Variants in PER3 observed in about 807,000 individuals in gnomAD.
PER3 encodes the protein period circadian protein homolog 3.
In PER3, 107 loss-of-function variants were observed where a neutral mutation model predicts 127.2. The ratio of observed to expected loss-of-function variants is 0.84; its 90% CI spans 0.72 to 0.99. PER3 has a LOEUF of 0.99. Among genes scored for constraint, PER3 ranks in the 50% least tolerant of loss-of-function variants. The pLI, the probability that PER3 is intolerant of heterozygous loss-of-function variation, is 0.00. For missense variants in PER3, 1,560 were observed against 1,525.8 expected (o/e 1.02, Z -0.37); for synonymous variants, 618 against 585.8 (o/e 1.05, Z -0.79).
At chr1:7,842,187 A>C (rs916785626) in intron 21 of PER3, among the ~76,000 whole-genome samples, 4 of 152,126 alleles carry the variant, frequency 2.6e-5, no homozygotes, top group Admixed American at 2.6e-4. Context: ...GTATTTAAAC[A>C]ATTTGTCATT....
intron 5 of PER3, among the ~76,000 whole-genome samples, chr1:7,788,998 G>A (rs548164894): frequency 1.3e-5 from 2 of 151,462 alleles, no homozygotes; most frequent in African/African-American, 4.8e-5. Context: ...TTTTCCTTCT[G>A]GAATGCTTTT....
At chr1:7,821,659 C>G (rs2097277130) in intron 16 of PER3, among the ~76,000 whole-genome samples, 1 of 152,084 alleles carries the variant, frequency 6.6e-6, no homozygotes, top group Non-Finnish European at 1.5e-5. Context: ...CTATACTCTG[C>G]TCTTATATGA....
Position 7,826,565 on chromosome 1 carries a change from G to A in PER3, c.2043G>A (p.Gly681=), listed in dbSNP as rs374589393. 3.7e-6 allele frequency: 6 copies of A among 1,613,514 alleles called. No individual in the cohort carries two copies. The highest frequency in any genetic ancestry group is 1.3e-5 in the African/African-American group (1 of 74,890). ...PLTSEEFKHV[G]LTAAVLSAHT... is the part of the protein sequence containing the mutation. ...CCTCGGAAGAATTTAAACACGTGGGGCTCACAGCGGCTGTTCTGTCAGCGC... is the reference window on the plus strand; with the variant it reads ...CCTCGGAAGAATTTAAACACGTGGGACTCACAGCGGCTGTTCTGTCAGCGC... The change falls in exon 17 of 22, where the codon GGG becomes GGA. Residue 681 remains glycine, a synonymous_variant. Coordinates refer to ENST00000377532, the MANE Select transcript of PER3 (RefSeq NM_001377275.1). This position sits in a 1 kb window ranked among gnomAD's most constrained non-coding sequence, Gnocchi z 4.2.
Position 7,827,141 on chromosome 1 carries a change from C to G in PER3, c.2212C>G (p.Arg738Gly). Residue 738 changes from arginine to glycine, a missense_variant, in exon 18 of 22, where the codon CGG becomes GGG. Around this residue, in one of 3 missense-constraint regions of PER3, gnomAD observed 1,332 missense variants for 1,223.6 expected, o/e 1.09. Coordinates refer to ENST00000377532, the MANE Select transcript of PER3 (RefSeq NM_001377275.1). ...FQGDSTSKQT[R>G]SAGCRKGKHK... ...AGGAGATTCTACTTCCAAGCAGACG[C>G]GGTCGGCCGGCTGCAGGAAAGGGAA... 6.2e-7 allele frequency: 1 copy of G among 1,602,800 alleles called. No individual in the cohort carries two copies.
chr1:7,799,629 A>C (rs1266542915), intron 7 of PER3, among the ~76,000 whole-genome samples: 1 of 151,760 alleles, frequency 6.6e-6, no homozygotes, highest in Non-Finnish European at 1.5e-5. Flanking sequence ...AAAAAAAAAA[A>C]AGATAATCAT....
At chr1:7,790,127 C>T (rs777645665) in intron 5 of PER3, among the ~76,000 whole-genome samples, 1 of 152,204 alleles carries the variant, frequency 6.6e-6, no homozygotes, top group Non-Finnish European at 1.5e-5. Flanking sequence ...GGCTTTTCAG[C>T]CTTTTCATTT....
At chr1:7,820,332 A>G (rs1577859160) in intron 15 of PER3, 93 bp downstream of exon 15, 2 of 1,464,064 alleles carry the variant, frequency 1.4e-6, no homozygotes, top group East Asian at 4.6e-5. Context: ...TAAGCATAAA[A>G]TTCTGGTTTC....
intron 21 of PER3, among the ~76,000 whole-genome samples, chr1:7,841,302 T>TG (rs2097386690): frequency 6.6e-6 from 1 of 151,752 alleles, no homozygotes; most frequent in South Asian, 2.1e-4. Context: ...TTTTTTTTTT[T>TG]GGTTGAAAAC....
intron 5 of PER3, among the ~76,000 whole-genome samples, chr1:7,792,312 G>A (rs1256729923): frequency 6.6e-6 from 1 of 152,086 alleles, no homozygotes; most frequent in East Asian, 1.9e-4. Context: ...TCACTATCAC[G>A]AGAACGGGAT....
chr1:7,788,911 A>G (rs1295971054), intron 5 of PER3, among the ~76,000 whole-genome samples: 1 of 149,534 alleles, frequency 6.7e-6, no homozygotes, highest in East Asian at 2.0e-4. Context: ...TCTGGGGAAA[A>G]AAAAAAAAAA....
At chr1:7,822,729 A>G (rs983331462) in intron 16 of PER3, among the ~76,000 whole-genome samples, 1 of 152,240 alleles carries the variant, frequency 6.6e-6, no homozygotes, top group African/African-American at 2.4e-5. Context: ...AGCTATGTCA[A>G]TAATGACATA....
Position 7,803,721 on chromosome 1 carries a change from G to A in PER3, c.1009G>A (p.Glu337Lys), listed in dbSNP as rs755673447. 1 of 1,607,842 alleles carries A rather than the reference G, an allele frequency of 6.2e-7. No individual in the cohort carries two copies. The highest frequency in any genetic ancestry group is 8.5e-7 in the Non-Finnish European group (1 of 1,174,574). The change falls in exon 10 of 22, where the codon GAA becomes AAA. Residue 337 changes from glutamate to lysine, a missense_variant. Glu to Lys is a moderately conservative substitution (Grantham distance 56). This residue lies in a region of PER3 where 1,332 missense variants were observed against 1,223.6 expected (regional missense o/e 1.09). Coordinates refer to ENST00000377532, the MANE Select transcript of PER3 (RefSeq NM_001377275.1). ...GAAGTATGCAGGGCATCCTCCCTTTGAACATTCTCCCATTCGATTTTGTAC... is the reference window on the plus strand; with the variant it reads ...GAAGTATGCAGGGCATCCTCCCTTTAAACATTCTCCCATTCGATTTTGTAC... Reference protein sequence around the residue: ...VLKYAGHPPFEHSPIRFCTQN... With the variant: ...VLKYAGHPPFKHSPIRFCTQN...
chr1:7,791,587 C>G (rs929859264), intron 5 of PER3, among the ~76,000 whole-genome samples: 4 of 152,234 alleles, frequency 2.6e-5, no homozygotes, highest in African/African-American at 9.6e-5. Context: ...CTTCTTGTTA[C>G]TTCTGCAAAT....
Position 7,820,252 on chromosome 1 carries a change from C to A in PER3, c.1783+13C>A. The A allele has an allele frequency of 3.1e-6, 5 of 1,608,638 alleles. No individual in the cohort carries two copies. The highest frequency in any genetic ancestry group is 3.4e-6 in the Non-Finnish European group (4 of 1,177,374). On this transcript the variant is annotated intron_variant, in intron 15 of 21. Coordinates refer to ENST00000377532, the MANE Select transcript of PER3 (RefSeq NM_001377275.1). ...CAAGCCTTACAAGGTAACAAGAATG[C>A]CCCTCAGAGTTAAATTCAAAGAACT...
At position 7,826,059 on chromosome 1, in the gene PER3, G is replaced by A. The variant is rs1209860131; in HGVS notation, c.1958-421G>A. 6.6e-6 allele frequency among the ~76,000 whole-genome samples: 1 copy of A among 152,160 alleles called. No individual in the cohort carries two copies. Among genetic ancestry groups the A allele is most frequent in the African/African-American group, 2.4e-5 (1 of 41,428 alleles). ...CACTCCAGCGGAATGGTCTTCTGCA[G>A]GGGAAACAAATGAGAACTAGACAGA... On this transcript the variant is annotated intron_variant, in intron 16 of 21. Transcript: ENST00000377532. The surrounding 1 kb of genome is among the most constrained non-coding windows in gnomAD (Gnocchi z 4.2).
rs894210571 is a variant in PER3 at position 7,827,011 on chromosome 1, T to C, written c.2189-107T>C. On this transcript the variant is annotated intron_variant, in intron 17 of 21. Coordinates refer to ENST00000377532, the MANE Select transcript of PER3 (RefSeq NM_001377275.1). Reference sequence around the variant, plus strand: ...GCCACTTTTTGTCATTCTGGTAGTATTGGCAAATGCTCATTCGTCAGCTAC... The same window carrying C: ...GCCACTTTTTGTCATTCTGGTAGTACTGGCAAATGCTCATTCGTCAGCTAC... The C allele has an allele frequency of 2.0e-5, 17 of 842,076 alleles. No individual in the cohort carries two copies. In the African/African-American group the frequency reaches 2.4e-4, roughly 12 times the overall value. The allele number at this position is 842,076 out of a possible 1,614,324, so 52.2% of individuals were successfully genotyped here.
intron 8 of PER3, among the ~76,000 whole-genome samples, chr1:7,801,620 G>A (rs1304604718): frequency 2.6e-5 from 4 of 152,126 alleles, no homozygotes; most frequent in Non-Finnish European, 5.9e-5. Context: ...CTGAAGTGGG[G>A]GCGAAGGTGG....
At chr1:7,793,135 G>T (rs1443139882) in intron 5 of PER3, among the ~76,000 whole-genome samples, 2 of 152,008 alleles carry the variant, frequency 1.3e-5, no homozygotes, top group Non-Finnish European at 2.9e-5. Flanking sequence ...TATATTTTTT[G>T]AACATCTCAC....
intron 10 of PER3, among the ~76,000 whole-genome samples, chr1:7,806,434 G>A (rs1414754212): frequency 6.6e-6 from 1 of 152,054 alleles, no homozygotes; most frequent in East Asian, 1.9e-4. Flanking sequence ...CATTTTTGTT[G>A]CTGTTTCATG....
Sources: allele counts gnomAD v4.1 joint callset (sites outside exome capture counted in the v4.1 genomes callset), GRCh38; gene constraint gnomAD v4.1.1; regional missense constraint gnomAD v4.1.1; non-coding constraint Gnocchi (gnomAD v3.1); transcripts MANE v1.5; gene names NCBI Gene and HGNC (gene_info 2026-07-23, HGNC 2026-07-21).